The following GNA12 variants were observed in gnomAD, a reference collection of about 807,000 sequenced individuals.
GNA12 encodes G protein subunit alpha 12, also known as guanine nucleotide-binding protein subunit alpha-12.
GNA12 carries 9 observed loss-of-function variants against 26.0 expected under a neutral mutation model. The ratio of observed to expected loss-of-function variants is 0.35; its 90% CI spans 0.21 to 0.60. The LOEUF is 0.60. Ranked by LOEUF, GNA12 falls within the 20% of genes least tolerant of loss-of-function variation. The probability of loss-of-function intolerance (pLI) is 0.78; values close to 1 mark genes in which losing one functional copy is unlikely to be tolerated. For synonymous variants in GNA12, 264 were observed against 219.6 expected (o/e 1.20, Z -1.79); for missense variants, 405 against 525.8 (o/e 0.77, Z 2.25).
chr7:2,786,662 T>A (rs552415867), intron 2 of GNA12, among the ~76,000 whole-genome samples: 1 of 152,324 alleles, frequency 6.6e-6, no homozygotes, highest in African/African-American at 2.4e-5. Context: ...GCTGGTGCGA[T>A]TTGCTGACTT....
chr7:2,740,589 A>G lies in GNA12; in HGVS notation c.526-7088T>C, dbSNP rs533311317. ...GTTATGGCAGCTTGAGCCGACAAAT[A>G]TAATTATGAACTTGTGGATTTTCAT... On this transcript the variant is annotated intron_variant, in intron 2 of 3. Coordinates refer to ENST00000275364, the MANE Select transcript of GNA12 (RefSeq NM_007353.3). Among the ~76,000 whole-genome samples the G allele has an allele frequency of 3.9e-5, 6 of 152,328 alleles. No individual in the cohort carries two copies. The East Asian group carries it at 9.6e-4, about 24-fold the overall frequency.
intron 2 of GNA12, among the ~76,000 whole-genome samples, chr7:2,771,591 C>G (rs576175605): frequency 1.1e-4 from 16 of 152,264 alleles, no homozygotes; most frequent in African/African-American, 3.8e-4. Context: ...GCACTTGGCA[C>G]AATTCTTTCC....
intron 2 of GNA12, among the ~76,000 whole-genome samples, chr7:2,783,087 G>C (rs1226548239): frequency 6.6e-6 from 1 of 152,146 alleles, no homozygotes; most frequent in Non-Finnish European, 1.5e-5. Flanking sequence ...AAGCATGTAG[G>C]TCTGACCTGA....
intron 1 of GNA12, among the ~76,000 whole-genome samples, chr7:2,801,198 C>T (rs542989818): frequency 1.3e-5 from 2 of 152,270 alleles, no homozygotes; most frequent in South Asian, 4.1e-4. Context: ...AGGCCCTGCT[C>T]GTCCAACTCA....
At position 2,758,622 on chromosome 7, in the gene GNA12, G is replaced by A. The variant is rs561016277; in HGVS notation, c.526-25121C>T. ...AGGGGAGCCTTTCAAGGAACCTGGGGGAACCCCTGAAAGGGTCTCGGGGGC... is the reference window on the plus strand; with the variant it reads ...AGGGGAGCCTTTCAAGGAACCTGGGAGAACCCCTGAAAGGGTCTCGGGGGC... On this transcript the variant is annotated intron_variant, in intron 2 of 3. Transcript: ENST00000275364. 3.9e-5 allele frequency among the ~76,000 whole-genome samples: 6 copies of A among 152,226 alleles called. No individual in the cohort carries two copies. The South Asian group carries it at 6.2e-4, about 16-fold the overall frequency.
chr7:2,800,641 G>A (rs1792786241), intron 1 of GNA12, among the ~76,000 whole-genome samples: 1 of 150,840 alleles, frequency 6.6e-6, no homozygotes, highest in South Asian at 2.1e-4. Flanking sequence ...GATGTGGAGA[G>A]GGAGGGTTAG....
chr7:2,790,396 G>A lies in GNA12; in HGVS notation c.525+4532C>T, dbSNP rs889891928. Among the ~76,000 whole-genome samples, 7 of 152,096 alleles carry A rather than the reference G, an allele frequency of 4.6e-5. No individual in the cohort carries two copies. The East Asian group carries it at 9.6e-4, about 21-fold the overall frequency. ...CCACCGAATAGCTGGAACTACAGGC[G>A]CGCAACACCTTGTCTAACCTCAATT... On this transcript the variant is annotated intron_variant, in intron 2 of 3. Transcript: ENST00000275364.
chr7:2,774,831 G>A (rs1011113162), intron 2 of GNA12, among the ~76,000 whole-genome samples: 2 of 152,038 alleles, frequency 1.3e-5, no homozygotes, highest in Non-Finnish European at 2.9e-5. Flanking sequence ...ACATATTTAC[G>A]CAGCTATCTG....
chr7:2,772,716 G>C (rs1164085782), intron 2 of GNA12, among the ~76,000 whole-genome samples: 3 of 152,204 alleles, frequency 2.0e-5, no homozygotes, highest in Non-Finnish European at 4.4e-5. Flanking sequence ...GTCCCACACT[G>C]CTGGAGAGAC....
chr7:2,768,407 T>G (rs1791860030), intron 2 of GNA12, among the ~76,000 whole-genome samples: 1 of 152,216 alleles, frequency 6.6e-6, no homozygotes, highest in Non-Finnish European at 1.5e-5. Flanking sequence ...CTTAGCAAGC[T>G]ACGTTTTTCC....
At chr7:2,836,670 T>C (rs1194556233) in intron 1 of GNA12, among the ~76,000 whole-genome samples, 1 of 152,140 alleles carries the variant, frequency 6.6e-6, no homozygotes, top group Non-Finnish European at 1.5e-5. Context: ...ACACCTGTAA[T>C]CCCAGCACTT....
chr7:2,806,927 G>A (rs1253075255), intron 1 of GNA12, among the ~76,000 whole-genome samples: 2 of 152,062 alleles, frequency 1.3e-5, no homozygotes, highest in Admixed American at 6.5e-5. Flanking sequence ...TAAAACTGCT[G>A]GGTCAAAAAA....
chr7:2,753,764 T>G (rs1165407427), intron 2 of GNA12, among the ~76,000 whole-genome samples: 1 of 152,212 alleles, frequency 6.6e-6, no homozygotes, highest in East Asian at 1.9e-4. Flanking sequence ...TAATTACATT[T>G]ATTTTAATGC....
rs1182467658 is a variant in GNA12, at chr7:2,729,770, A to G, written c.*1411T>C. The G allele has an allele frequency of 6.6e-6, 1 of 152,396 alleles. No individual in the cohort carries two copies. The highest frequency in any genetic ancestry group is 1.5e-5 in the Non-Finnish European group (1 of 68,064). The allele number at this position is 152,396 out of a possible 1,614,324, so 9.4% of individuals were successfully genotyped here. On this transcript the variant is annotated 3_prime_UTR_variant, in exon 4 of 4. Coordinates refer to ENST00000275364, the MANE Select transcript of GNA12 (RefSeq NM_007353.3). ...TTCATTTTCTTGTAAATGCTAGGAC[A>G]CATCCCAAAACACACTAGGCAGGAT...
Position 2,844,197 on chromosome 7 carries a change from C to T in GNA12, c.-36G>A. The T allele has an allele frequency of 1.0e-6, 1 of 964,014 alleles. No homozygotes were observed. Among genetic ancestry groups the T allele is most frequent in the Non-Finnish European group, 1.2e-6 (1 of 813,030 alleles). The allele number at this position is 964,014 out of a possible 1,614,324, so 59.7% of individuals were successfully genotyped here. A position where few individuals can be genotyped will look rare whatever the true frequency, so the allele number is the denominator to read the frequency against. ...GCCGCGGCCGCGCCCCGCCGGCGCCCGGGGGCCATGGACGCTCCCGCCGGC... is the reference window on the plus strand; with the variant it reads ...GCCGCGGCCGCGCCCCGCCGGCGCCTGGGGGCCATGGACGCTCCCGCCGGC... On this transcript the variant is annotated 5_prime_UTR_variant, in exon 1 of 4. Transcript: ENST00000275364.
At chr7:2,790,457 G>C (rs1421410794) in intron 2 of GNA12, among the ~76,000 whole-genome samples, 1 of 152,126 alleles carries the variant, frequency 6.6e-6, no homozygotes. Flanking sequence ...TTATTTGCTT[G>C]CATGTCTGTC....
intron 1 of GNA12, among the ~76,000 whole-genome samples, chr7:2,830,897 C>T (rs1054205251): frequency 3.3e-5 from 5 of 151,934 alleles, no homozygotes; most frequent in Non-Finnish European, 7.4e-5. Flanking sequence ...GCTGTGATTG[C>T]ACCACTGCAC....
At position 2,781,581 on chromosome 7, in the gene GNA12, A is replaced by G. The variant is rs111397362; in HGVS notation, c.525+13347T>C. On this transcript the variant is annotated intron_variant, in intron 2 of 3. Coordinates refer to ENST00000275364, the MANE Select transcript of GNA12 (RefSeq NM_007353.3). ...CTGATAATTAGAGAAAGGGCTAGCA[A>G]ACTTTTCCAGTAAACAGCCAAATGG... is the stretch of plus-strand genomic sequence containing the variant. Among the ~76,000 whole-genome samples the G allele has an allele frequency of 8.0e-3, 1,215 of 152,288 alleles. 10 individuals carry two copies. Among genetic ancestry groups the G allele is most frequent in the Non-Finnish European group, 0.012 (840 of 68,010 alleles).
intron 2 of GNA12, among the ~76,000 whole-genome samples, chr7:2,740,501 C>A (rs1041376406): frequency 6.6e-6 from 1 of 152,178 alleles, no homozygotes; most frequent in East Asian, 1.9e-4. Flanking sequence ...TCCTCAATTT[C>A]CAATCTCCAG....
Sources: gnomAD v4.1 joint callset for allele counts (sites outside exome capture counted in the v4.1 genomes callset) on GRCh38, gnomAD v4.1.1 for gene constraint, MANE v1.5 for transcripts, NCBI Gene and HGNC (gene_info 2026-07-23, HGNC 2026-07-21) for gene names.